The following WWOX variants were observed in gnomAD, a reference collection of about 807,000 sequenced individuals.
The protein encoded by WWOX is WW domain containing oxidoreductase, also known as WW domain-containing oxidoreductase.
WWOX carries 69 observed loss-of-function variants against 46.2 expected under a neutral mutation model. The observed-to-expected ratio is 1.49, with a 90% CI of 1.23 to 1.82. The LOEUF is 1.82. WWOX is among the 40% of genes most tolerant of loss of function. The probability of loss-of-function intolerance (pLI) is 0.00; values close to 1 mark genes in which losing one functional copy is unlikely to be tolerated. For synonymous variants in WWOX, 359 were observed against 202.6 expected (o/e 1.77, Z -6.56); for missense variants, 919 against 542.6 (o/e 1.69, Z -6.89).
intron 8 of WWOX, among the ~76,000 whole-genome samples, chr16:78,675,703 A>G (rs371049988): frequency 3.3e-5 from 5 of 152,194 alleles, no homozygotes; most frequent in African/African-American, 7.2e-5. Flanking sequence ...GGCCAGGCGC[A>G]GTGGCTCATG....
At chr16:78,888,111 C>G (rs1177429496) in intron 8 of WWOX, among the ~76,000 whole-genome samples, 1 of 152,170 alleles carries the variant, frequency 6.6e-6, no homozygotes, top group Non-Finnish European at 1.5e-5. Context: ...AATCAACTTT[C>G]TTGTTGTAGT....
chr16:78,515,677 C>G (rs896276516), intron 8 of WWOX, among the ~76,000 whole-genome samples: 3 of 152,210 alleles, frequency 2.0e-5, no homozygotes, highest in Admixed American at 2.0e-4. Context: ...CGCAGCCGCT[C>G]CCTTCCACAC....
At chr16:79,191,737 A>G (rs1212896279) in intron 8 of WWOX, among the ~76,000 whole-genome samples, 1 of 152,224 alleles carries the variant, frequency 6.6e-6, no homozygotes. Context: ...GTGCTCACCC[A>G]AAAGTAGTGG....
chr16:78,946,987 G>A (rs2045961433), intron 8 of WWOX, among the ~76,000 whole-genome samples: 1 of 151,958 alleles, frequency 6.6e-6, no homozygotes, highest in South Asian at 2.1e-4. Context: ...TAAATGGATT[G>A]TGAAGAGGGA....
At chr16:78,290,704 C>T (rs530217955) in intron 5 of WWOX, among the ~76,000 whole-genome samples, 1 of 151,872 alleles carries the variant, frequency 6.6e-6, no homozygotes, top group Non-Finnish European at 1.5e-5. Flanking sequence ...CTTATTGATT[C>T]TTGGTGGGAA....
At chr16:78,554,306 C>T (rs980513610) in intron 8 of WWOX, among the ~76,000 whole-genome samples, 3 of 152,016 alleles carry the variant, frequency 2.0e-5, no homozygotes, top group Non-Finnish European at 2.9e-5. Flanking sequence ...GCCTAGTGTT[C>T]CATTATTGGA....
At chr16:79,116,974 A>G (rs1201483643) in intron 8 of WWOX, among the ~76,000 whole-genome samples, 1 of 152,192 alleles carries the variant, frequency 6.6e-6, no homozygotes, top group Non-Finnish European at 1.5e-5. Flanking sequence ...AGGCATGGAA[A>G]CTACATTAAT....
intron 8 of WWOX, among the ~76,000 whole-genome samples, chr16:78,773,615 T>C (rs2050119652): frequency 6.6e-6 from 1 of 152,168 alleles, no homozygotes; most frequent in African/African-American, 2.4e-5. Context: ...GAAGTTATAA[T>C]AGAGTGCAGG....
At chr16:78,743,340 T>C (rs1194686826) in intron 8 of WWOX, among the ~76,000 whole-genome samples, 1 of 152,152 alleles carries the variant, frequency 6.6e-6, no homozygotes, top group Non-Finnish European at 1.5e-5. Flanking sequence ...TGCTGTCATT[T>C]GTTTCTTAAC....
chr16:78,618,811 C>G (rs1446055918), intron 8 of WWOX, among the ~76,000 whole-genome samples: 1 of 151,768 alleles, frequency 6.6e-6, no homozygotes, highest in East Asian at 2.0e-4. Context: ...TGCCCTGTGG[C>G]CTGAATTGGT....
chr16:78,641,429 T>C (rs1411604153), intron 8 of WWOX, among the ~76,000 whole-genome samples: 2 of 152,136 alleles, frequency 1.3e-5, no homozygotes, highest in Non-Finnish European at 2.9e-5. Context: ...ATTAATAAAC[T>C]GGCGAGTCAG....
intron 5 of WWOX, among the ~76,000 whole-genome samples, chr16:78,351,835 T>C (rs952930864): frequency 1.3e-5 from 2 of 152,302 alleles, no homozygotes; most frequent in African/African-American, 4.8e-5. Context: ...TTTTATATTT[T>C]TACTCGAGAC....
intron 8 of WWOX, among the ~76,000 whole-genome samples, chr16:78,470,047 T>C (rs903002562): frequency 1.3e-5 from 2 of 152,232 alleles, no homozygotes; most frequent in African/African-American, 4.8e-5. Flanking sequence ...TTCTTGTTTA[T>C]GTAAGATCCA....
intron 8 of WWOX, among the ~76,000 whole-genome samples, chr16:78,800,864 C>G (rs1029979310): frequency 6.6e-6 from 1 of 152,130 alleles, no homozygotes; most frequent in African/African-American, 2.4e-5. Flanking sequence ...TCAGTCAACA[C>G]TCAGTCTGAT....
chr16:78,709,397 G>A (rs993570710), intron 8 of WWOX, among the ~76,000 whole-genome samples: 1 of 152,172 alleles, frequency 6.6e-6, no homozygotes, highest in Non-Finnish European at 1.5e-5. Context: ...GGTTCACAGG[G>A]CCTGGGTAGC....
Position 79,059,137 on chromosome 16 carries a change from G to C in WWOX, c.1057-152471G>C, listed in dbSNP as rs540625118. 4.6e-5 allele frequency among the ~76,000 whole-genome samples: 7 copies of C among 152,170 alleles called. No individual in the cohort carries two copies. In the South Asian group the frequency reaches 6.2e-4, roughly 14 times the overall value. On this transcript the variant is annotated intron_variant, in intron 8 of 8. Transcript: ENST00000566780. ...TGTGTTTTAATTTAATTCACAGGGA[G>C]TCATAAACAGGTGGGAGAATTATGG... is the stretch of plus-strand genomic sequence containing the variant.
At chr16:78,690,182 C>A (rs72796643) in intron 8 of WWOX, among the ~76,000 whole-genome samples, 53,351 of 151,748 alleles carry the variant, frequency 0.35, 9,998 homozygotes, top group South Asian at 0.41. Context: ...TTAACAACCC[C>A]CCCTCCACAC....
At chr16:78,377,947 G>C (rs2081868997) in intron 5 of WWOX, among the ~76,000 whole-genome samples, 1 of 152,134 alleles carries the variant, frequency 6.6e-6, no homozygotes, top group Non-Finnish European at 1.5e-5. Context: ...AATGAAGGAA[G>C]AGTTGTCATC....
intron 8 of WWOX, among the ~76,000 whole-genome samples, chr16:79,141,538 C>A (rs777410834): frequency 6.6e-6 from 1 of 152,228 alleles, no homozygotes; most frequent in Non-Finnish European, 1.5e-5. Context: ...TCATTTTAAT[C>A]GGAAGGAAGT....
Sources: gnomAD v4.1 joint callset for allele counts (sites outside exome capture counted in the v4.1 genomes callset) on GRCh38, gnomAD v4.1.1 for gene constraint, MANE v1.5 for transcripts, NCBI Gene and HGNC (gene_info 2026-07-23, HGNC 2026-07-21) for gene names.